Variants in UNC119B observed in about 807,000 individuals in gnomAD.
UNC119B encodes unc-119 lipid binding chaperone B.
Under a neutral mutation model 23.4 loss-of-function variants are expected in UNC119B, and 16 were observed. That is an observed-to-expected ratio of 0.68 (90% CI 0.46 to 1.04). The LOEUF (loss-of-function observed/expected upper bound fraction) is 1.04, where lower values mean the gene tolerates loss of function less well. UNC119B is among the 50% of genes least tolerant of loss of function. The probability of loss-of-function intolerance (pLI) is 0.00; values close to 1 mark genes in which losing one functional copy is unlikely to be tolerated. For synonymous variants in UNC119B, 144 were observed against 145.4 expected (o/e 0.99, Z 0.07); for missense variants, 350 against 361.3 (o/e 0.97, Z 0.25).
At position 120,716,608 on chromosome 12, in the gene UNC119B, G is replaced by T. The variant is rs774668852; in HGVS notation, c.359-20G>T. 1 of 1,613,338 alleles carries T rather than the reference G, an allele frequency of 6.2e-7. No homozygotes were observed. The highest frequency in any genetic ancestry group is 1.1e-5 in the South Asian group (1 of 91,058). Reference sequence around the variant, plus strand: ...GAGAATGTCGAGATGGTGCACTGAAGATTCTGTGTGCTCTTTCAGACCAGG... The same window carrying T: ...GAGAATGTCGAGATGGTGCACTGAATATTCTGTGTGCTCTTTCAGACCAGG... On this transcript the variant is annotated intron_variant, in intron 2 of 4. Transcript: ENST00000344651.
At chr12:120,711,512 G>C (rs1398189679) in intron 1 of UNC119B, 2 of 152,212 alleles carry the variant, frequency 1.3e-5, no homozygotes, top group Non-Finnish European at 2.9e-5. Context: ...CCTGCCCTGG[G>C]TGATCTCCCT....
chr12:120,712,989 A>G (rs1156670673), intron 1 of UNC119B, among the ~76,000 whole-genome samples: 2 of 152,252 alleles, frequency 1.3e-5, no homozygotes, highest in African/African-American at 4.8e-5. Flanking sequence ...ATAGATGATG[A>G]AAGATTTTTA....
chr12:120,716,588 T>G, intron 2 of UNC119B, 40 bp from the exon 3 acceptor site: 2 of 1,606,526 alleles, frequency 1.2e-6, no homozygotes, highest in Non-Finnish European at 1.7e-6. Flanking sequence ...GGATTGAGAA[T>G]GTCGAGATGG....
chr12:120,719,963 C>T lies in UNC119B; in HGVS notation c.687C>T (p.Ser229=), dbSNP rs754091126. 4 of 1,614,086 alleles carry T rather than the reference C, an allele frequency of 2.5e-6. No individual in the cohort carries two copies. Among genetic ancestry groups the T allele is most frequent in the East Asian group, 2.2e-5 (1 of 44,892 alleles). ...ATCCTTACGAGACCCGCTCTGACAG[C>T]TTCTACTTTGTTGACAACAAGCTGA... The part of the protein sequence containing the change: ...IENPYETRSD[S]FYFVDNKLIM... The change falls in exon 5 of 5, where the codon AGC becomes AGT. Residue 229 remains serine, a synonymous_variant. Transcript: ENST00000344651.
intron 2 of UNC119B, among the ~76,000 whole-genome samples, chr12:120,715,344 C>T (rs1332296895): frequency 6.6e-6 from 1 of 152,122 alleles, no homozygotes; most frequent in Non-Finnish European, 1.5e-5. Context: ...GGGGGTGAAC[C>T]CCTACTCAGC....
chr12:120,713,413 C>T, intron 2 of UNC119B, 26 bp downstream of exon 2: 1 of 1,554,876 alleles, frequency 6.4e-7, no homozygotes, highest in Non-Finnish European at 8.8e-7. Flanking sequence ...GTGGTGACCA[C>T]TAGACAGTTT....
chr12:120,713,487 G>T, intron 2 of UNC119B, 100 bp downstream of exon 2: 2 of 881,706 alleles, frequency 2.3e-6, no homozygotes, highest in Admixed American at 4.5e-5. Flanking sequence ...TTGGACTCCA[G>T]TGTGTCCCAC....
At chr12:120,719,580 A>G (rs1222441729) in intron 4 of UNC119B, among the ~76,000 whole-genome samples, 1 of 152,176 alleles carries the variant, frequency 6.6e-6, no homozygotes, top group Non-Finnish European at 1.5e-5. Flanking sequence ...AGCACTGAGT[A>G]AATAGGTTGG....
At chr12:120,717,153 T>G (rs1355284628) in intron 4 of UNC119B, 111 bp downstream of exon 4, 8 of 1,079,686 alleles carry the variant, frequency 7.4e-6, no homozygotes, top group African/African-American at 1.6e-5. Flanking sequence ...AGTGCTGACA[T>G]GATGCGTATC....
chr12:120,710,630 C>T lies in UNC119B; in HGVS notation c.156C>T (p.Gly52=), dbSNP rs1459400769. The change falls in exon 1 of 5, where the codon GGC becomes GGT. Residue 52 remains glycine, a synonymous_variant. Transcript: ENST00000344651. ...CGCCCCACCACGCGGCCGACGACGG[C>T]GTCGGGGCAGCGGTCACGGAGCAGG... The part of the protein sequence containing the change: ...RQAPHHAADD[G]VGAAVTEQEL... 1.1e-5 allele frequency: 16 copies of T among 1,443,580 alleles called. No homozygotes were observed. Among genetic ancestry groups the T allele is most frequent in the Non-Finnish European group, 1.0e-5 (11 of 1,102,828 alleles). The allele number at this position is 1,443,580 out of a possible 1,614,324, so 89.4% of individuals were successfully genotyped here. A position where few individuals can be genotyped will look rare whatever the true frequency, so the allele number is the denominator to read the frequency against.
intron 1 of UNC119B, 27 bp downstream of exon 1, chr12:120,710,745 C>G (rs1186156973): frequency 1.5e-6 from 2 of 1,310,684 alleles, no homozygotes; most frequent in Non-Finnish European, 1.9e-6. Context: ...CCGCGCCCTC[C>G]CCTCGCGCCG....
At position 120,716,944 on chromosome 12, in the gene UNC119B, T is replaced by C; in HGVS notation, c.545T>C (p.Leu182Ser). Residue 182 changes from leucine to serine, a missense_variant, in exon 4 of 5, where the codon TTG becomes TCG. Physicochemically the swap from Leu to Ser is moderately radical, Grantham distance 145. Coordinates refer to ENST00000344651, the MANE Select transcript of UNC119B (RefSeq NM_001080533.3). ...MIERHYFREH[L>S]LKNFDFDFGF... ...GAACGGCACTATTTCCGGGAACACT[T>C]GCTGAAAAACTTTGACTTTGATTTT... The C allele has an allele frequency of 6.2e-7, 1 of 1,613,932 alleles. No homozygotes were observed. Among genetic ancestry groups the C allele is most frequent in the Non-Finnish European group, 8.5e-7 (1 of 1,179,890 alleles).
chr12:120,716,742 G>A lies in UNC119B; in HGVS notation c.470+3G>A. Reference sequence around the variant, plus strand: ...CGCCTCCGGACAGTCGGGGCTACGTGAGTACCATTACTACCTGAGGGGAGA... The same window carrying A: ...CGCCTCCGGACAGTCGGGGCTACGTAAGTACCATTACTACCTGAGGGGAGA... On this transcript the variant is annotated splice_donor_region_variant and intron_variant, in intron 3 of 4. Transcript: ENST00000344651. The A allele has an allele frequency of 9.3e-6, 15 of 1,613,834 alleles. No individual in the cohort carries two copies. The highest frequency in any genetic ancestry group is 1.3e-5 in the Non-Finnish European group (15 of 1,179,710).
chr12:120,710,611 A>C lies in UNC119B; in HGVS notation c.137A>C (p.His46Pro). Residue 46 changes from histidine (H) to proline (P), a missense_variant, in exon 1 of 5, where the codon CAC becomes CCC. Coordinates refer to ENST00000344651, the MANE Select transcript of UNC119B (RefSeq NM_001080533.3). Reference sequence around the variant, plus strand: ...CTGAAGGCGCGGCGGCAGGCGCCCCACCACGCGGCCGACGACGGCGTCGGG... The same window carrying C: ...CTGAAGGCGCGGCGGCAGGCGCCCCCCCACGCGGCCGACGACGGCGTCGGG... ...NRLKARRQAPHHAADDGVGAA... is the reference protein window; with the variant it reads ...NRLKARRQAPPHAADDGVGAA... 1 of 1,439,356 alleles carries C rather than the reference A, an allele frequency of 6.9e-7. No homozygotes were observed. The highest frequency in any genetic ancestry group is 1.4e-5 in the South Asian group (1 of 73,278). 89.2% of individuals were successfully genotyped at this position (1,439,356 alleles called of 1,614,324 possible). A position where few individuals can be genotyped will look rare whatever the true frequency, so the allele number is the denominator to read the frequency against.
chr12:120,715,559 G>C (rs1274829715), intron 2 of UNC119B, among the ~76,000 whole-genome samples: 1 of 74,590 alleles, frequency 1.3e-5, no homozygotes, highest in Non-Finnish European at 2.4e-5. Context: ...TTGAGACGGA[G>C]TTTCACTCTT....
chr12:120,710,821 C>T (rs936474111), intron 1 of UNC119B, 103 bp downstream of exon 1: 14 of 1,150,622 alleles, frequency 1.2e-5, no homozygotes, highest in East Asian at 3.4e-5. Flanking sequence ...CCCGCCAGAC[C>T]CCCTCGGCCG....
At chr12:120,714,469 C>A (rs778928762) in intron 2 of UNC119B, among the ~76,000 whole-genome samples, 43 of 152,092 alleles carry the variant, frequency 2.8e-4, no homozygotes, top group Non-Finnish European at 5.7e-4. Context: ...TACAGGTGCC[C>A]ACCACCATGC....
rs376114708 is a variant in UNC119B at position 120,719,891 on chromosome 12, T to C, written c.644-29T>C. On this transcript the variant is annotated intron_variant, in intron 4 of 4. Transcript: ENST00000344651. ...GCAGACTCAAACATAATTCTTTGCT[T>C]TTTTCTTCCCCCTTTGCCTGACTTG... 489 of 1,558,192 alleles carry C rather than the reference T, an allele frequency of 3.1e-4. 3 individuals carry two copies. In the African/African-American group the frequency reaches 5.8e-3, roughly 18 times the overall value.
chr12:120,710,886 AC>A (rs1882650791), intron 1 of UNC119B, 168 bp downstream of exon 1: 1 of 569,004 alleles, frequency 1.8e-6, no homozygotes. Flanking sequence ...CGCCACGCTC[AC>A]GTAGCTCTGG....
Sources: allele counts gnomAD v4.1 joint callset (sites outside exome capture counted in the v4.1 genomes callset), GRCh38; gene constraint gnomAD v4.1.1; transcripts MANE v1.5; gene names NCBI Gene and HGNC (gene_info 2026-07-23, HGNC 2026-07-21).